Variants in PHACTR4 observed in about 807,000 individuals in gnomAD.
PHACTR4 encodes protein phosphatase 1, regulatory subunit 124.
Under a neutral mutation model 72.7 loss-of-function variants are expected in PHACTR4, and 51 were observed. That is an observed-to-expected ratio of 0.70 (90% CI 0.56 to 0.89). PHACTR4 has a LOEUF of 0.89. Among genes scored for constraint, PHACTR4 ranks in the 40% least tolerant of loss-of-function variants. The pLI is 0.00. For synonymous variants in PHACTR4, 255 were observed against 302.5 expected (o/e 0.84, Z 1.63); for missense variants, 731 against 861.8 (o/e 0.85, Z 1.90).
chr1:28,494,949 T>C (rs1345699237), intron 13 of PHACTR4, among the ~76,000 whole-genome samples: 1 of 152,164 alleles, frequency 6.6e-6, no homozygotes, highest in Non-Finnish European at 1.5e-5. Flanking sequence ...AGGAAGTATC[T>C]GAAATAATCT....
At chr1:28,447,128 T>C (rs61783858) in intron 2 of PHACTR4, among the ~76,000 whole-genome samples, 151,602 of 152,016 alleles carry the variant, frequency 1, 75,607 homozygotes, top group Middle Eastern at 1. Context: ...TCTCCTGCCT[T>C]GGCCTCCTGA....
intron 2 of PHACTR4, among the ~76,000 whole-genome samples, chr1:28,451,839 A>G (rs1450366203): frequency 3.3e-5 from 5 of 151,382 alleles, no homozygotes; most frequent in Non-Finnish European, 7.4e-5. Flanking sequence ...GGGTCTCCCT[A>G]TGTTGCTCAA....
In PHACTR4 at chr1:28,473,802, A is replaced by C; in HGVS notation, c.1072A>C (p.Thr358Pro). The C allele has an allele frequency of 6.2e-7, 1 of 1,613,974 alleles. No individual in the cohort carries two copies. Among genetic ancestry groups the C allele is most frequent in the African/African-American group, 1.3e-5 (1 of 74,996 alleles). Residue 358 changes from threonine (T) to proline (P), a missense_variant, in exon 7 of 14, where the codon ACC becomes CCC. Thr to Pro is a conservative substitution (Grantham distance 38). Around this residue, in one of 2 missense-constraint regions of PHACTR4, gnomAD observed 621 missense variants for 676.6 expected, o/e 0.92. Coordinates refer to ENST00000373839, the MANE Select transcript of PHACTR4 (RefSeq NM_001048183.3). ...PTHIPPEPPR[T>P]PPFPAKTFQV... ...TCATATACCTCCAGAGCCTCCACGC[A>C]CCCCTCCATTCCCTGCTAAGACTTT...
intron 2 of PHACTR4, among the ~76,000 whole-genome samples, chr1:28,418,312 A>T (rs1237199895): frequency 6.7e-6 from 1 of 148,772 alleles, no homozygotes; most frequent in African/African-American, 2.6e-5. Context: ...AAAATACAAA[A>T]AAAAAAAATA....
rs548064550 is a variant in PHACTR4 at position 28,473,230 on chromosome 1, C to T, written c.824-324C>T. 2.8e-4 allele frequency among the ~76,000 whole-genome samples: 42 copies of T among 148,622 alleles called. No homozygotes were observed. The South Asian group carries it at 3.8e-3, about 13-fold the overall frequency. On this transcript the variant is annotated intron_variant, in intron 6 of 13. Coordinates refer to ENST00000373839, the MANE Select transcript of PHACTR4 (RefSeq NM_001048183.3). Reference sequence around the variant, plus strand: ...GGCAGAGGTTGCGGTAAGCCAAGATCGCGCCACTGCACTCCAGTCTGGGCG... The same window carrying T: ...GGCAGAGGTTGCGGTAAGCCAAGATTGCGCCACTGCACTCCAGTCTGGGCG...
At chr1:28,453,473 G>A (rs1658127965) in intron 2 of PHACTR4, 1 of 374,046 alleles carries the variant, frequency 2.7e-6, no homozygotes, top group Admixed American at 4.2e-5. Context: ...ATAGATTGAG[G>A]TCTGTAGCTG....
At chr1:28,477,922 A>G (rs1003072740) in intron 8 of PHACTR4, among the ~76,000 whole-genome samples, 2 of 152,064 alleles carry the variant, frequency 1.3e-5, no homozygotes, top group African/African-American at 4.8e-5. Context: ...TTGTGAGCTC[A>G]AAGTGATCTG....
At chr1:28,467,382 TGTGTG>T (rs1659258890) in intron 6 of PHACTR4, 1 of 44,750 alleles carries the variant, frequency 2.2e-5, no homozygotes, top group African/African-American at 1.6e-4. Context: ...TACATATTTG[TGTGTG>T]TGTGTGTGTG....
In PHACTR4 at chr1:28,491,710, T is replaced by C. The variant is rs1014179296; in HGVS notation, c.1939T>C (p.Tyr647His). ...CAGGAAGATTCTGAGGTTTAATGAA[T>C]ATGTAGAGGTAACAGATGCTCAAGA... is the stretch of plus-strand genomic sequence containing the variant. ...LARKILRFNE[Y>H]VEVTDAQDYD... Residue 647 changes from tyrosine to histidine, a missense_variant, in exon 12 of 14, where the codon TAT (tyrosine) becomes CAT (histidine). Around this residue, in one of 2 missense-constraint regions of PHACTR4, gnomAD observed 110 missense variants for 185.2 expected, o/e 0.59. Transcript: ENST00000373839. 3 of 1,614,000 alleles carry C rather than the reference T, an allele frequency of 1.9e-6. No individual in the cohort carries two copies. Among genetic ancestry groups the C allele is most frequent in the Admixed American group, 3.3e-5 (2 of 59,976 alleles).
intron 1 of PHACTR4, among the ~76,000 whole-genome samples, chr1:28,401,706 A>G (rs555271238): frequency 2.8e-4 from 42 of 152,152 alleles, no homozygotes; most frequent in African/African-American, 1.0e-3. Context: ...TCTGGGCTCA[A>G]GCTGTCTTCC....
At chr1:28,494,076 A>C (rs1661190667) in intron 13 of PHACTR4, among the ~76,000 whole-genome samples, 1 of 152,146 alleles carries the variant, frequency 6.6e-6, no homozygotes, top group Non-Finnish European at 1.5e-5. Flanking sequence ...AAAGAGGCAA[A>C]TGAGGCTGAG....
In PHACTR4 at chr1:28,497,069, C is replaced by T. The variant is rs1661402907; in HGVS notation, c.*520C>T. ...AAGCCTTCTTACCACACTGGCATAT[C>T]AGATGAAAGCATTGCACTGTACCTC... On this transcript the variant is annotated 3_prime_UTR_variant, in exon 14 of 14. Coordinates refer to ENST00000373839, the MANE Select transcript of PHACTR4 (RefSeq NM_001048183.3). 5.6e-6 allele frequency: 1 copy of T among 178,680 alleles called. No homozygotes were observed. Among genetic ancestry groups the T allele is most frequent in the Admixed American group, 5.8e-5 (1 of 17,204 alleles). 11.1% of individuals were successfully genotyped at this position (178,680 alleles called of 1,614,324 possible). A position where few individuals can be genotyped will look rare whatever the true frequency, so the allele number is the denominator to read the frequency against.
chr1:28,466,708 G>T lies in PHACTR4; in HGVS notation c.763G>T (p.Ala255Ser). The T allele has an allele frequency of 6.2e-7, 1 of 1,613,960 alleles. No homozygotes were observed. The highest frequency in any genetic ancestry group is 8.5e-7 in the Non-Finnish European group (1 of 1,180,010). The change falls in exon 6 of 14, where the codon GCC (alanine) becomes TCC (serine). Residue 255 changes from alanine (A) to serine (S), a missense_variant. By Grantham distance (99) the Ala-to-Ser change is moderately conservative. Around this residue, in one of 2 missense-constraint regions of PHACTR4, gnomAD observed 621 missense variants for 676.6 expected, o/e 0.92. Transcript: ENST00000373839. ...CCCAAGCCTCACTCATATGGTCCCT[G>T]CCAAGCAGCCCCCTATCCCTCCCCC... ...ATPSLTHMVP[A>S]KQPPIPPPKP...
intron 2 of PHACTR4, among the ~76,000 whole-genome samples, chr1:28,455,895 AAAG>A (rs1399229528): frequency 6.6e-6 from 1 of 152,186 alleles, no homozygotes; most frequent in Admixed American, 6.5e-5. Flanking sequence ...AGGTAAGAGG[AAAG>A]AAGGACATCT....
intron 1 of PHACTR4, among the ~76,000 whole-genome samples, chr1:28,386,536 A>G (rs1652571242): frequency 6.6e-6 from 1 of 152,038 alleles, no homozygotes; most frequent in South Asian, 2.1e-4. Context: ...GACTCTCACT[A>G]TTATTTTGTG....
In PHACTR4 at chr1:28,490,995, C is replaced by T. The variant is rs774957286; in HGVS notation, c.1861C>T (p.Arg621Cys). ...DRQAEKREIK[R>C]RLTRKLSQRP... ...TCAGGCAGAAAAACGAGAAATTAAACGTCGGCTCACTAGAAAGGTACTACT... is the reference window on the plus strand; with the variant it reads ...TCAGGCAGAAAAACGAGAAATTAAATGTCGGCTCACTAGAAAGGTACTACT... The change falls in exon 11 of 14, where the codon CGT becomes TGT. Residue 621 changes from arginine to cysteine, a missense_variant. Transcript: ENST00000373839. The T allele has an allele frequency of 6.2e-6, 10 of 1,613,686 alleles. No homozygotes were observed. Among genetic ancestry groups the T allele is most frequent in the East Asian group, 2.2e-5 (1 of 44,886 alleles).
At position 28,438,922 on chromosome 1, in the gene PHACTR4, C is replaced by T. The variant is rs182661607; in HGVS notation, c.17-20163C>T. Among the ~76,000 whole-genome samples, 13 of 152,204 alleles carry T rather than the reference C, an allele frequency of 8.5e-5. No homozygotes were observed. The East Asian group carries it at 1.2e-3, about 14-fold the overall frequency. On this transcript the variant is annotated intron_variant, in intron 2 of 13. Transcript: ENST00000373839. ...GCATTTTCCATTGCACTAGTGTTTCCGTTTCTCTTAAGTCAACACTTTGAT... is the reference window on the plus strand; with the variant it reads ...GCATTTTCCATTGCACTAGTGTTTCTGTTTCTCTTAAGTCAACACTTTGAT...
intron 1 of PHACTR4, among the ~76,000 whole-genome samples, chr1:28,376,940 A>T (rs1651726889): frequency 1.4e-5 from 2 of 145,118 alleles, no homozygotes; most frequent in Admixed American, 1.4e-4. Context: ...CCCGGCCTTA[A>T]TTTTTTTTTG....
At chr1:28,417,049 T>G (rs1400097276) in intron 2 of PHACTR4, among the ~76,000 whole-genome samples, 1 of 152,092 alleles carries the variant, frequency 6.6e-6, no homozygotes, top group East Asian at 1.9e-4. Context: ...TTTTTTTTCT[T>G]TTTTTTGCTG....
Sources: allele counts gnomAD v4.1 joint callset (sites outside exome capture counted in the v4.1 genomes callset), GRCh38; gene constraint gnomAD v4.1.1; regional missense constraint gnomAD v4.1.1; transcripts MANE v1.5; gene names NCBI Gene and HGNC (gene_info 2026-07-23, HGNC 2026-07-21).